The following EPB41L5 variants were observed in gnomAD, a reference collection of about 807,000 sequenced individuals.
The protein encoded by EPB41L5 is erythrocyte membrane protein band 4.1 like 5, also known as band 4.1-like protein 5.
A neutral mutation model predicts 106.6 loss-of-function variants in EPB41L5; 55 were observed. The observed-to-expected ratio is 0.52, with a 90% CI of 0.42 to 0.65. EPB41L5 has a LOEUF of 0.65. Among genes scored for constraint, EPB41L5 ranks in the 30% least tolerant of loss-of-function variants. EPB41L5 has a pLI of 0.00. For missense variants in EPB41L5, 871 were observed against 882.1 expected (o/e 0.99, Z 0.16); for synonymous variants, 297 against 306.7 (o/e 0.97, Z 0.33).
At chr2:120,139,003 A>G (rs1297389911) in intron 18 of EPB41L5, among the ~76,000 whole-genome samples, 1 of 152,046 alleles carries the variant, frequency 6.6e-6, no homozygotes, top group Non-Finnish European at 1.5e-5. Context: ...AATGTAACAG[A>G]ATAGAGAAGC....
chr2:120,032,587 C>G (rs943748103), intron 2 of EPB41L5, among the ~76,000 whole-genome samples: 1 of 152,192 alleles, frequency 6.6e-6, no homozygotes, highest in Non-Finnish European at 1.5e-5. Flanking sequence ...GCTTCTGTCA[C>G]TTCGTCTTCT....
chr2:120,149,595 T>C (rs1686577303), intron 20 of EPB41L5, among the ~76,000 whole-genome samples: 2 of 152,224 alleles, frequency 1.3e-5, no homozygotes, highest in African/African-American at 4.8e-5. Context: ...GTATAATATT[T>C]CATTGTATGG....
At chr2:120,050,741 T>A (rs940689789) in intron 3 of EPB41L5, among the ~76,000 whole-genome samples, 2 of 152,256 alleles carry the variant, frequency 1.3e-5, no homozygotes, top group South Asian at 4.1e-4. Flanking sequence ...GCTCTGATTT[T>A]TAGAATTTTT....
intron 2 of EPB41L5, among the ~76,000 whole-genome samples, chr2:120,030,199 C>T (rs1306649096): frequency 6.6e-6 from 1 of 152,146 alleles, no homozygotes; most frequent in African/African-American, 2.4e-5. Context: ...CCGAAAAGAC[C>T]CCCTTCTTGC....
intron 1 of EPB41L5, among the ~76,000 whole-genome samples, chr2:120,018,132 T>G (rs1468615736): frequency 1.3e-5 from 2 of 151,864 alleles, no homozygotes; most frequent in Non-Finnish European, 2.9e-5. Context: ...GGCTAATTTT[T>G]TTTTGTATTT....
chr2:120,060,838 CTCT>C (rs1270815820), intron 3 of EPB41L5, among the ~76,000 whole-genome samples: 1 of 151,974 alleles, frequency 6.6e-6, no homozygotes, highest in African/African-American at 2.4e-5. Context: ...AGGACCGGGC[CTCT>C]TCTTACTATC....
chr2:120,046,743 A>G (rs1343659597), intron 3 of EPB41L5, among the ~76,000 whole-genome samples: 10 of 152,024 alleles, frequency 6.6e-5, no homozygotes, highest in Non-Finnish European at 1.2e-4. Context: ...CCATGCCTAT[A>G]TCCTGAATGG....
At chr2:120,173,043 C>T (rs1464926355) in intron 24 of EPB41L5, among the ~76,000 whole-genome samples, 2 of 152,052 alleles carry the variant, frequency 1.3e-5, no homozygotes, top group Admixed American at 1.3e-4. Context: ...GCTTGGGCAA[C>T]ATACTGAGAC....
At chr2:120,036,447 T>A (rs1574498045) in intron 2 of EPB41L5, among the ~76,000 whole-genome samples, 2 of 152,216 alleles carry the variant, frequency 1.3e-5, no homozygotes, top group Non-Finnish European at 2.9e-5. Context: ...TTTCTCTTGT[T>A]ACACATAATC....
intron 19 of EPB41L5, among the ~76,000 whole-genome samples, chr2:120,143,726 G>A (rs1686280814): frequency 6.6e-6 from 1 of 152,100 alleles, no homozygotes; most frequent in Non-Finnish European, 1.5e-5. Context: ...TCAGGTACAA[G>A]CCTTGAAGAG....
rs377020209 is a variant in EPB41L5, at chr2:120,161,129, G to T, written c.1887+155G>T. Among the ~76,000 whole-genome samples the T allele has an allele frequency of 2.1e-4, 32 of 152,230 alleles. No homozygotes were observed. In the East Asian group the frequency reaches 5.8e-3, roughly 28 times the overall value. ...ACAGGGGCTCACACCTATAATTCCAGCACTTTGGGAGGCCGAGGCATGTGG... is the reference window on the plus strand; with the variant it reads ...ACAGGGGCTCACACCTATAATTCCATCACTTTGGGAGGCCGAGGCATGTGG... On this transcript the variant is annotated intron_variant, in intron 21 of 24. Transcript: ENST00000263713.
chr2:120,171,069 C>T (rs1011666649), intron 24 of EPB41L5, among the ~76,000 whole-genome samples: 13 of 152,148 alleles, frequency 8.5e-5, no homozygotes, highest in African/African-American at 2.4e-5. Flanking sequence ...TACTTTGCAG[C>T]GTTCTCTGTG....
At chr2:120,062,768 A>G (rs1481031106) in intron 3 of EPB41L5, among the ~76,000 whole-genome samples, 1 of 152,236 alleles carries the variant, frequency 6.6e-6, no homozygotes, top group East Asian at 1.9e-4. Flanking sequence ...ATCCTCAGAA[A>G]AATCTCCTGT....
At chr2:120,079,632 C>T (rs762196803) in intron 10 of EPB41L5, among the ~76,000 whole-genome samples, 5 of 152,264 alleles carry the variant, frequency 3.3e-5, no homozygotes, top group Admixed American at 2.0e-4. Flanking sequence ...TTGATCAGCT[C>T]GGAAGTCCTG....
chr2:120,016,265 A>G (rs938300203), intron 1 of EPB41L5, among the ~76,000 whole-genome samples: 1 of 152,132 alleles, frequency 6.6e-6, no homozygotes, highest in Non-Finnish European at 1.5e-5. Flanking sequence ...CCCAGTATCT[A>G]CTAAAAGCAC....
intron 20 of EPB41L5, among the ~76,000 whole-genome samples, chr2:120,149,061 G>C (rs1438337476): frequency 6.6e-6 from 1 of 152,168 alleles, no homozygotes; most frequent in Non-Finnish European, 1.5e-5. Flanking sequence ...ATCCTAGTGA[G>C]TATAAAGTGT....
chr2:120,138,583 A>T (rs1214744306), intron 18 of EPB41L5, among the ~76,000 whole-genome samples: 1 of 152,100 alleles, frequency 6.6e-6, no homozygotes, highest in African/African-American at 2.4e-5. Flanking sequence ...TCCCATTTAC[A>T]ATAGCCACAA....
chr2:120,089,695 A>AT (rs1683286961), intron 11 of EPB41L5, among the ~76,000 whole-genome samples: 1 of 152,066 alleles, frequency 6.6e-6, no homozygotes, highest in Non-Finnish European at 1.5e-5. Flanking sequence ...ATACATCTTC[A>AT]TATATAACTT....
At chr2:120,158,764 A>T (rs538615402) in intron 20 of EPB41L5, among the ~76,000 whole-genome samples, 1 of 152,204 alleles carries the variant, frequency 6.6e-6, no homozygotes, top group African/African-American at 2.4e-5. Flanking sequence ...GAAAGAAATA[A>T]GGGGCATCCA....
Sources: allele counts gnomAD v4.1 joint callset (sites outside exome capture counted in the v4.1 genomes callset), GRCh38; gene constraint gnomAD v4.1.1; transcripts MANE v1.5; gene names NCBI Gene and HGNC (gene_info 2026-07-23, HGNC 2026-07-21).